CNTN5: variants seen among roughly 807,000 people sequenced by gnomAD.
The protein encoded by CNTN5 is contactin-5.
Under a neutral mutation model 129.1 loss-of-function variants are expected in CNTN5, and 77 were observed. The observed-to-expected ratio is 0.60, with a 90% CI of 0.50 to 0.72. The LOEUF is 0.72. CNTN5 is among the 30% of genes least tolerant of loss of function. CNTN5 has a pLI of 0.00. For synonymous variants in CNTN5, 509 were observed against 465.6 expected (o/e 1.09, Z -1.20); for missense variants, 1,478 against 1,328.8 (o/e 1.11, Z -1.75).
At chr11:99,796,096 A>T (rs1466645927) in intron 3 of CNTN5, among the ~76,000 whole-genome samples, 14 of 152,116 alleles carry the variant, frequency 9.2e-5, no homozygotes, top group Admixed American at 5.9e-4. Context: ...GGGCAGGGCC[A>T]CTGGCATCTG....
intron 6 of CNTN5, among the ~76,000 whole-genome samples, chr11:99,879,739 C>T (rs538228787): frequency 1.6e-4 from 25 of 152,222 alleles, no homozygotes; most frequent in African/African-American, 5.5e-4. Flanking sequence ...CTTACGACAA[C>T]TTTTACACAA....
intron 21 of CNTN5, among the ~76,000 whole-genome samples, chr11:100,311,509 T>C (rs1228639463): frequency 6.6e-6 from 1 of 152,004 alleles, no homozygotes; most frequent in Non-Finnish European, 1.5e-5. Context: ...TATAAATAGT[T>C]TGTATGCATA....
chr11:99,641,368 T>C (rs78054458), intron 3 of CNTN5, among the ~76,000 whole-genome samples: 1 of 151,866 alleles, frequency 6.6e-6, no homozygotes, highest in Non-Finnish European at 1.5e-5. Context: ...GAAAAGTTTA[T>C]AATACCTCAA....
intron 3 of CNTN5, among the ~76,000 whole-genome samples, chr11:99,706,176 T>A (rs1426271079): frequency 1.3e-5 from 2 of 151,340 alleles, no homozygotes; most frequent in African/African-American, 4.8e-5. Flanking sequence ...GGGGAACAAA[T>A]CTGATGAGAG....
chr11:99,173,450 A>G (rs1046857966), intron 1 of CNTN5, among the ~76,000 whole-genome samples: 1 of 152,212 alleles, frequency 6.6e-6, no homozygotes, highest in African/African-American at 2.4e-5. Flanking sequence ...TATATGTTCC[A>G]CAATATTTCT....
chr11:99,163,144 A>G (rs186341667), intron 1 of CNTN5, among the ~76,000 whole-genome samples: 162 of 152,278 alleles, frequency 1.1e-3, no homozygotes, highest in Non-Finnish European at 1.9e-3. Context: ...CTCTTGGGTA[A>G]TTGGAAATTC....
At chr11:99,287,848 A>AG (rs1397255805) in intron 1 of CNTN5, among the ~76,000 whole-genome samples, 1 of 152,018 alleles carries the variant, frequency 6.6e-6, no homozygotes, top group African/African-American at 2.4e-5. Context: ...GAGGAAAAGA[A>AG]GGGGGAGGAT....
intron 2 of CNTN5, among the ~76,000 whole-genome samples, chr11:99,442,295 G>A (rs942569655): frequency 3.0e-4 from 45 of 152,018 alleles, no homozygotes; most frequent in African/African-American, 1.1e-3. Context: ...TCAGACTCCC[G>A]AGTAGCTGGG....
intron 2 of CNTN5, among the ~76,000 whole-genome samples, chr11:99,326,676 A>C (rs1865798593): frequency 6.6e-6 from 1 of 152,158 alleles, no homozygotes; most frequent in Admixed American, 6.6e-5. Flanking sequence ...TTTTGATTGC[A>C]GGCCCTAACT....
chr11:99,677,319 A>G (rs560068738), intron 3 of CNTN5, among the ~76,000 whole-genome samples: 1 of 146,152 alleles, frequency 6.8e-6, no homozygotes, highest in East Asian at 2.9e-4. Context: ...TTACATGTTC[A>G]TGGGAGCTGT....
chr11:99,049,960 A>G (rs1380614688), intron 1 of CNTN5: 6 of 152,162 alleles, frequency 3.9e-5, no homozygotes, highest in Non-Finnish European at 8.8e-5. Flanking sequence ...TTCTAATTTT[A>G]TTTCCAAAGA....
chr11:99,154,354 A>G (rs1860229353), intron 1 of CNTN5, among the ~76,000 whole-genome samples: 1 of 152,206 alleles, frequency 6.6e-6, no homozygotes, highest in Admixed American at 6.5e-5. Context: ...GCTGGCCTCC[A>G]TGCATGCATG....
chr11:99,888,533 G>T (rs1407562637), intron 6 of CNTN5, among the ~76,000 whole-genome samples: 4 of 152,176 alleles, frequency 2.6e-5, no homozygotes, highest in Non-Finnish European at 5.9e-5. Flanking sequence ...CAACATGGCA[G>T]GGTACCATCG....
intron 6 of CNTN5, among the ~76,000 whole-genome samples, chr11:99,850,194 T>C (rs1046417844): frequency 1.3e-5 from 2 of 152,154 alleles, no homozygotes; most frequent in African/African-American, 2.4e-5. Context: ...TGATGTGTAA[T>C]CACTCTTTCT....
chr11:99,968,207 A>G (rs1591498307), intron 8 of CNTN5, among the ~76,000 whole-genome samples: 1 of 152,148 alleles, frequency 6.6e-6, no homozygotes, highest in Admixed American at 6.5e-5. Context: ...AGAGATTTCA[A>G]TTAGTAACTT....
At chr11:99,453,024 G>A (rs572719460) in intron 2 of CNTN5, among the ~76,000 whole-genome samples, 1 of 152,282 alleles carries the variant, frequency 6.6e-6, no homozygotes, top group South Asian at 2.1e-4. Flanking sequence ...TTCAAAACCG[G>A]TGTGCTGTGC....
chr11:99,192,074 G>T (rs925088545), intron 1 of CNTN5, among the ~76,000 whole-genome samples: 1 of 151,452 alleles, frequency 6.6e-6, no homozygotes, highest in African/African-American at 2.4e-5. Context: ...AAAACCACAT[G>T]ATCATCTCAA....
intron 3 of CNTN5, among the ~76,000 whole-genome samples, chr11:99,638,458 G>C (rs143731989): frequency 1.3e-5 from 2 of 151,914 alleles, no homozygotes; most frequent in African/African-American, 4.8e-5. Context: ...CCAAACTCTC[G>C]ACTCATTTGG....
At chr11:100,263,552 A>G (rs11223451) in intron 17 of CNTN5, among the ~76,000 whole-genome samples, 30,187 of 151,958 alleles carry the variant, frequency 0.2, 3,346 homozygotes, top group Middle Eastern at 0.28. Context: ...ATTTTGTATT[A>G]TAGATAATTG....
Sources: allele counts gnomAD v4.1 joint callset (sites outside exome capture counted in the v4.1 genomes callset), GRCh38; gene constraint gnomAD v4.1.1; transcripts MANE v1.5; gene names NCBI Gene and HGNC (gene_info 2026-07-23, HGNC 2026-07-21).